Variants in RCC2 observed in about 807,000 individuals in gnomAD.
The protein encoded by RCC2 is protein RCC2.
RCC2 carries 19 observed loss-of-function variants against 64.1 expected under a neutral mutation model. That is an observed-to-expected ratio of 0.30 (90% CI 0.21 to 0.44). The LOEUF (loss-of-function observed/expected upper bound fraction) is 0.44, where lower values mean the gene tolerates loss of function less well. Ranked by LOEUF, RCC2 falls within the 20% of genes least tolerant of loss-of-function variation. The pLI is 1.00. For synonymous variants in RCC2, 325 were observed against 279.6 expected (o/e 1.16, Z -1.62); for missense variants, 508 against 710.4 (o/e 0.72, Z 3.24).
intron 2 of RCC2, among the ~76,000 whole-genome samples, chr1:17,432,761 G>C (rs2075695415): frequency 6.6e-6 from 1 of 152,190 alleles, no homozygotes; most frequent in African/African-American, 2.4e-5. Flanking sequence ...CATCAAGCTA[G>C]CTAAGCATTT....
intron 4 of RCC2, among the ~76,000 whole-genome samples, chr1:17,424,748 G>A (rs1189629715): frequency 2.0e-5 from 3 of 152,192 alleles, no homozygotes; most frequent in Non-Finnish European, 2.9e-5. Context: ...GGGGACAAAC[G>A]CCAATATGCC....
rs1342726057 is a variant in RCC2, at chr1:17,438,270, G to T, written c.245C>A (p.Ala82Asp). Reference sequence around the variant, plus strand: ...GTGCTCGGGTTCGGTGATGACCACGGCCGCGCCGCCCGCCTTGCCTGCTGT... The same window carrying T: ...GTGCTCGGGTTCGGTGATGACCACGTCCGCGCCGCCCGCCTTGCCTGCTGT... ...PATAGKAGGA[A>D]VVITEPEHTK... Residue 82 changes from alanine (A) to aspartate (D), a missense_variant, in exon 2 of 13, where the codon GCC (alanine) becomes GAC (aspartate). Coordinates refer to ENST00000375436, the MANE Select transcript of RCC2 (RefSeq NM_018715.4). 3.0e-6 allele frequency: 4 copies of T among 1,313,636 alleles called. No homozygotes were observed. The African/African-American group carries it at 4.7e-5, about 15-fold the overall frequency. 81.4% of individuals were successfully genotyped at this position (1,313,636 alleles called of 1,614,324 possible).
chr1:17,431,019 T>C (rs1389584431), intron 2 of RCC2, among the ~76,000 whole-genome samples: 3 of 151,442 alleles, frequency 2.0e-5, no homozygotes, highest in Non-Finnish European at 4.4e-5. Flanking sequence ...CCGATGAAAG[T>C]TCCCAACCAT....
At chr1:17,429,246 C>T in intron 2 of RCC2, 47 bp from the exon 3 acceptor site, 1 of 1,465,446 alleles carries the variant, frequency 6.8e-7, no homozygotes, top group Non-Finnish European at 9.6e-7. Context: ...TAAGTCTGCA[C>T]CTAGCTTTCC....
chr1:17,410,860 T>C (rs939559744), intron 11 of RCC2, among the ~76,000 whole-genome samples: 1 of 152,132 alleles, frequency 6.6e-6, no homozygotes, highest in Non-Finnish European at 1.5e-5. Flanking sequence ...TCAAAATTTA[T>C]ATTTAGAAGG....
At chr1:17,433,424 G>A (rs990395640) in intron 2 of RCC2, among the ~76,000 whole-genome samples, 10 of 152,186 alleles carry the variant, frequency 6.6e-5, no homozygotes, top group African/African-American at 2.2e-4. Flanking sequence ...CCGGGGCGGC[G>A]GGGCAGGGCG....
At chr1:17,423,371 C>A (rs2075576632) in intron 4 of RCC2, among the ~76,000 whole-genome samples, 1 of 152,208 alleles carries the variant, frequency 6.6e-6, no homozygotes, top group African/African-American at 2.4e-5. Context: ...CAGTGCCAAT[C>A]CCACCCCTAG....
chr1:17,438,403 G>C lies in RCC2; in HGVS notation c.112C>G (p.Arg38Gly). ...RGGPAGRKRE[R>G]PERCSSSSGG... is the part of the protein sequence containing the mutation. ...CTGCTGCTACTGCAGCGCTCGGGCCGCTCGCGCTTCCTGCCCGCCGGGCCG... is the reference window on the plus strand; with the variant it reads ...CTGCTGCTACTGCAGCGCTCGGGCCCCTCGCGCTTCCTGCCCGCCGGGCCG... The change falls in exon 2 of 13, where the codon CGG becomes GGG. Residue 38 changes from arginine (R) to glycine (G), a missense_variant. Transcript: ENST00000375436. 2 of 1,263,796 alleles carry C rather than the reference G, an allele frequency of 1.6e-6. No homozygotes were observed. Among genetic ancestry groups the C allele is most frequent in the Non-Finnish European group, 2.0e-6 (2 of 1,008,580 alleles). 78.3% of individuals were successfully genotyped at this position (1,263,796 alleles called of 1,614,324 possible).
Position 17,423,997 on chromosome 1 carries a change from G to A in RCC2, c.524-1161C>T, listed in dbSNP as rs372418432. On this transcript the variant is annotated intron_variant, in intron 4 of 12. Transcript: ENST00000375436. ...CTGAAGGGCCAGCACTGGCACTCGA[G>A]CAGGAGAGGCAGATACACCAGCTTC... is the stretch of plus-strand genomic sequence containing the variant. Among the ~76,000 whole-genome samples the A allele has an allele frequency of 1.5e-4, 23 of 152,330 alleles. 1 individual carries two copies. The South Asian group carries it at 2.9e-3, about 19-fold the overall frequency.
intron 3 of RCC2, 33 bp from the exon 4 acceptor site, chr1:17,425,717 C>T (rs1332250006): frequency 6.3e-7 from 1 of 1,581,888 alleles, no homozygotes; most frequent in South Asian, 1.1e-5. Flanking sequence ...GATCAGACAC[C>T]TGGGGTGGTG....
intron 9 of RCC2, 23 bp downstream of exon 9, chr1:17,413,514 G>T (rs376284698): frequency 5.6e-6 from 9 of 1,612,818 alleles, no homozygotes; most frequent in Middle Eastern, 1.6e-4. Context: ...GCACTGATAA[G>T]CCAGGGGGCA....
intron 3 of RCC2, among the ~76,000 whole-genome samples, chr1:17,428,151 G>C (rs543788887): frequency 6.6e-6 from 1 of 152,298 alleles, no homozygotes; most frequent in Admixed American, 6.5e-5. Flanking sequence ...TGTCAACTGG[G>C]CTGCTCAGTT....
intron 4 of RCC2, among the ~76,000 whole-genome samples, 183 bp downstream of exon 4, chr1:17,425,358 G>A (rs955792761): frequency 6.6e-6 from 1 of 152,160 alleles, no homozygotes; most frequent in African/African-American, 2.4e-5. Flanking sequence ...GGGGGGAAGG[G>A]GATCTGCATG....
At chr1:17,425,824 G>T in intron 3 of RCC2, 140 bp from the exon 4 acceptor site, 1 of 826,186 alleles carries the variant, frequency 1.2e-6, no homozygotes. Flanking sequence ...TGGCTGTTGG[G>T]AGGCTGCACA....
chr1:17,422,043 CA>C (rs971890908), intron 6 of RCC2, among the ~76,000 whole-genome samples, 159 bp downstream of exon 6: 11 of 151,892 alleles, frequency 7.2e-5, no homozygotes, highest in African/African-American at 2.7e-4. Flanking sequence ...AAACAAAAAA[CA>C]AAAAAACAAA....
At chr1:17,422,403 G>C in intron 5 of RCC2, 112 bp from the exon 6 acceptor site, 2 of 1,020,642 alleles carry the variant, frequency 2.0e-6, no homozygotes, top group Non-Finnish European at 2.9e-6. Context: ...CAGGCAGAAG[G>C]CAAGTGAGAC....
At chr1:17,417,995 G>C (rs1460545869) in intron 7 of RCC2, among the ~76,000 whole-genome samples, 3 of 151,936 alleles carry the variant, frequency 2.0e-5, no homozygotes. Context: ...GTAATCTAGA[G>C]ATGATTTTAA....
chr1:17,427,732 C>T (rs560582851), intron 3 of RCC2, among the ~76,000 whole-genome samples: 1 of 152,156 alleles, frequency 6.6e-6, no homozygotes, highest in South Asian at 2.1e-4. Flanking sequence ...AGCATCTTTC[C>T]CTGCAGTGCC....
At chr1:17,420,572 G>C (rs554202342) in intron 7 of RCC2, 142 bp downstream of exon 7, 1 of 497,592 alleles carries the variant, frequency 2.0e-6, no homozygotes, top group Admixed American at 3.8e-5. Flanking sequence ...TCTGCTGAAC[G>C]TGAGATCCAC....
Sources: allele counts gnomAD v4.1 joint callset (sites outside exome capture counted in the v4.1 genomes callset), GRCh38; gene constraint gnomAD v4.1.1; transcripts MANE v1.5; gene names NCBI Gene and HGNC (gene_info 2026-07-23, HGNC 2026-07-21).